ZNF257: variants seen among roughly 807,000 people sequenced by gnomAD.
ZNF257 encodes the protein bone marrow zinc finger 4.
In ZNF257, 12 loss-of-function variants were observed where a neutral mutation model predicts 11.9. The observed-to-expected ratio is 1.01, with a 90% CI of 0.65 to 1.63. ZNF257 has a LOEUF of 1.63. Ranked by LOEUF, ZNF257 falls within the 40% of genes most tolerant of loss-of-function variation. The pLI, the probability that ZNF257 is intolerant of heterozygous loss-of-function variation, is 0.00. For synonymous variants in ZNF257, 183 were observed against 222.7 expected (o/e 0.82, Z 1.59); for missense variants, 580 against 665.5 (o/e 0.87, Z 1.41).
chr19:22,075,883 G>T (rs1345375666), intron 3 of ZNF257: 4 of 152,120 alleles, frequency 2.6e-5, no homozygotes, highest in African/African-American at 7.2e-5. Context: ...TCTCATAAAG[G>T]TATTTTTGTC....
intron 1 of ZNF257, 129 bp downstream of exon 1, chr19:22,052,764 C>A: frequency 8.4e-7 from 1 of 1,190,270 alleles, no homozygotes; most frequent in Non-Finnish European, 1.2e-6. Context: ...TTTCCTTGGC[C>A]AGCTCGGCCT....
chr19:22,077,567 G>A (rs2022256193), intron 3 of ZNF257, among the ~76,000 whole-genome samples: 1 of 152,072 alleles, frequency 6.6e-6, no homozygotes, highest in African/African-American at 2.4e-5. Context: ...TATTTCAGGT[G>A]ACATAATATT....
chr19:22,052,860 C>T (rs940388643), intron 1 of ZNF257, among the ~76,000 whole-genome samples: 1 of 152,098 alleles, frequency 6.6e-6, no homozygotes, highest in Admixed American at 6.6e-5. Context: ...TGACTGTGCC[C>T]TGGCCTGGAT....
rs1568490923 is a variant in ZNF257 at position 22,088,217 on chromosome 19, A to C, written c.467A>C (p.Lys156Thr). 1.9e-6 allele frequency: 3 copies of C among 1,608,598 alleles called. No homozygotes were observed. ...QCDKYVKVFY[K>T]FSNSDRHKIR... Reference sequence around the variant, plus strand: ...GATAAATATGTAAAAGTCTTCTATAAGTTTTCAAATTCAGATAGACATAAG... The same window carrying C: ...GATAAATATGTAAAAGTCTTCTATACGTTTTCAAATTCAGATAGACATAAG... Residue 156 changes from lysine (K) to threonine (T), a missense_variant, in exon 4 of 4, where the codon AAG (lysine) becomes ACG (threonine). Physicochemically the swap from Lys to Thr is moderately conservative, Grantham distance 78 (BLOSUM62 -1). Coordinates refer to ENST00000594947, the MANE Select transcript of ZNF257 (RefSeq NM_033468.4).
Position 22,088,289 on chromosome 19 carries a change from A to C in ZNF257, c.539A>C (p.Lys180Thr), listed in dbSNP as rs1476016558. The change falls in exon 4 of 4, where the codon AAA (lysine) becomes ACA (threonine). Residue 180 changes from lysine to threonine, a missense_variant. Lys to Thr is a moderately conservative substitution (Grantham distance 78, BLOSUM62 -1). Coordinates refer to ENST00000594947, the MANE Select transcript of ZNF257 (RefSeq NM_033468.4). Reference sequence around the variant, plus strand: ...ACTTGCAAATGTAAAGAATGTGGCAAATCATTTTGCATGCTTTCACAACTA... The same window carrying C: ...ACTTGCAAATGTAAAGAATGTGGCACATCATTTTGCATGCTTTCACAACTA... The part of the protein sequence containing the change: ...KKTCKCKECG[K>T]SFCMLSQLTR... 2.5e-6 allele frequency: 4 copies of C among 1,613,688 alleles called. No homozygotes were observed. Among genetic ancestry groups the C allele is most frequent in the Non-Finnish European group, 3.4e-6 (4 of 1,179,788 alleles).
At chr19:22,058,959 A>G (rs553708586) in intron 1 of ZNF257, among the ~76,000 whole-genome samples, 1 of 152,140 alleles carries the variant, frequency 6.6e-6, no homozygotes, top group East Asian at 1.9e-4. Context: ...CCTCACCCCT[A>G]GACACTGAAT....
At chr19:22,080,180 A>G (rs2022327192) in intron 3 of ZNF257, among the ~76,000 whole-genome samples, 1 of 151,914 alleles carries the variant, frequency 6.6e-6, no homozygotes, top group African/African-American at 2.4e-5. Context: ...GGGTCTCACT[A>G]TGTTGCCCAG....
chr19:22,079,088 C>T, intron 3 of ZNF257, among the ~76,000 whole-genome samples: 1 of 152,120 alleles, frequency 6.6e-6, no homozygotes, highest in East Asian at 1.9e-4. Flanking sequence ...CACCACCGCA[C>T]CTGGCTGGTA....
At chr19:22,054,131 G>A (rs2021561199) in intron 1 of ZNF257, among the ~76,000 whole-genome samples, 1 of 150,990 alleles carries the variant, frequency 6.6e-6, no homozygotes, top group South Asian at 2.1e-4. Context: ...GGAGTGCAGG[G>A]GCGAGATTTC....
At chr19:22,087,729 A>G (rs1233095061) in intron 3 of ZNF257, 1 of 643,976 alleles carries the variant, frequency 1.6e-6, no homozygotes, top group Middle Eastern at 4.8e-4. Context: ...TTTTTCTTCT[A>G]TGTTGCTTTT....
chr19:22,053,429 G>A (rs1971749169), intron 1 of ZNF257, among the ~76,000 whole-genome samples: 2 of 150,374 alleles, frequency 1.3e-5, no homozygotes, highest in South Asian at 4.2e-4. Flanking sequence ...GTCATTTGTC[G>A]TCCATAGCAG....
At chr19:22,076,667 A>G (rs10411275) in intron 3 of ZNF257, among the ~76,000 whole-genome samples, 36,745 of 151,862 alleles carry the variant, frequency 0.24, 6,188 homozygotes, top group African/African-American at 0.48. Context: ...GCAGTTCCAT[A>G]TTAGTGTGTT....
chr19:22,072,780 A>G, intron 1 of ZNF257, 29 bp from the exon 2 acceptor site: 3 of 1,600,684 alleles, frequency 1.9e-6, no homozygotes, highest in South Asian at 1.1e-5. Flanking sequence ...TGGTAAATAT[A>G]TGTGTGTCTG....
chr19:22,072,725 T>G, intron 1 of ZNF257, 84 bp from the exon 2 acceptor site: 3 of 1,507,200 alleles, frequency 2.0e-6, no homozygotes, highest in Non-Finnish European at 2.7e-6. Context: ...TCTCTGCTCT[T>G]TAATTACACC....
At chr19:22,080,259 C>T (rs1417692962) in intron 3 of ZNF257, among the ~76,000 whole-genome samples, 1 of 152,078 alleles carries the variant, frequency 6.6e-6, no homozygotes, top group Non-Finnish European at 1.5e-5. Context: ...GGGTTATAGG[C>T]ATGAGGACTT....
At position 22,088,230 on chromosome 19, in the gene ZNF257, A is replaced by G; in HGVS notation, c.480A>G (p.Ser160=). The change falls in exon 4 of 4, where the codon TCA becomes TCG. Residue 160 remains serine (S), a synonymous_variant. Coordinates refer to ENST00000594947, the MANE Select transcript of ZNF257 (RefSeq NM_033468.4). ...YVKVFYKFSN[S]DRHKIRHTEK... is the part of the protein sequence containing the mutation. ...AAGTCTTCTATAAGTTTTCAAATTCAGATAGACATAAGATAAGACATACTG... is the reference window on the plus strand; with the variant it reads ...AAGTCTTCTATAAGTTTTCAAATTCGGATAGACATAAGATAAGACATACTG... 6.2e-7 allele frequency: 1 copy of G among 1,609,232 alleles called. No homozygotes were observed. Among genetic ancestry groups the G allele is most frequent in the East Asian group, 2.2e-5 (1 of 44,838 alleles).
At chr19:22,054,327 C>T (rs2021567897) in intron 1 of ZNF257, among the ~76,000 whole-genome samples, 2 of 152,132 alleles carry the variant, frequency 1.3e-5, no homozygotes, top group African/African-American at 4.8e-5. Flanking sequence ...GCCTTGGCCT[C>T]CCAAAGTGCT....
intron 3 of ZNF257, 65 bp from the exon 4 acceptor site, chr19:22,087,912 G>C: frequency 1.4e-5 from 19 of 1,402,400 alleles, no homozygotes; most frequent in Non-Finnish European, 1.8e-5. Flanking sequence ...TTATAGGTTA[G>C]ATTTGTAAAA....
At chr19:22,065,606 T>G (rs1339726908) in intron 1 of ZNF257, among the ~76,000 whole-genome samples, 1 of 147,798 alleles carries the variant, frequency 6.8e-6, no homozygotes, top group Non-Finnish European at 1.5e-5. Context: ...TACAAAATTG[T>G]TACAGTAGAT....
Sources: gnomAD v4.1 joint callset for allele counts (sites outside exome capture counted in the v4.1 genomes callset) on GRCh38, gnomAD v4.1.1 for gene constraint, MANE v1.5 for transcripts, NCBI Gene and HGNC (gene_info 2026-07-23, HGNC 2026-07-21) for gene names.